Variants in TMEM266 observed in about 807,000 individuals in gnomAD.
TMEM266 encodes transmembrane protein 266.
TMEM266 carries 33 observed loss-of-function variants against 50.5 expected under a neutral mutation model. That is an observed-to-expected ratio of 0.65 (90% confidence interval 0.50 to 0.87). TMEM266 has a LOEUF of 0.87. Among genes scored for constraint, TMEM266 ranks in the 40% least tolerant of loss-of-function variants. The pLI, the probability that TMEM266 is intolerant of heterozygous loss-of-function variation, is 0.00. For synonymous variants in TMEM266, 310 were observed against 292.3 expected (o/e 1.06, Z -0.62); for missense variants, 655 against 695.1 (o/e 0.94, Z 0.65).
chr15:76,082,891 C>T (rs1025919906), intron 1 of TMEM266, among the ~76,000 whole-genome samples: 5 of 152,068 alleles, frequency 3.3e-5, no homozygotes, highest in Admixed American at 1.3e-4. Flanking sequence ...ATCACTTGAG[C>T]CCAGGAGGAG....
chr15:76,177,419 G>A (rs78051959), intron 8 of TMEM266, among the ~76,000 whole-genome samples: 88 of 152,336 alleles, frequency 5.8e-4, no homozygotes, highest in Non-Finnish European at 1.0e-3. Flanking sequence ...TGGGGTGGGG[G>A]ACACGTCTGT....
At chr15:76,136,590 T>G (rs534770392) in intron 2 of TMEM266, among the ~76,000 whole-genome samples, 48 of 152,288 alleles carry the variant, frequency 3.2e-4, no homozygotes, top group African/African-American at 9.9e-4. Context: ...CCCTCCAATA[T>G]TTAAATTTTA....
chr15:76,108,913 A>G (rs1002197616), intron 1 of TMEM266: 3 of 152,164 alleles, frequency 2.0e-5, no homozygotes, highest in Non-Finnish European at 4.4e-5. Context: ...TGTATTTACT[A>G]TCTGTAGAAA....
chr15:76,199,424 TC>T (rs2038705217), intron 9 of TMEM266, among the ~76,000 whole-genome samples: 4 of 152,234 alleles, frequency 2.6e-5, no homozygotes, highest in Non-Finnish European at 5.9e-5. Flanking sequence ...AGGCTGACCC[TC>T]TGGGCTGAGC....
chr15:76,133,852 T>C (rs548299809), intron 1 of TMEM266, among the ~76,000 whole-genome samples: 1 of 152,334 alleles, frequency 6.6e-6, no homozygotes, highest in East Asian at 1.9e-4. Context: ...AAAGGGATGC[T>C]GTTTTGGGGG....
intron 1 of TMEM266, among the ~76,000 whole-genome samples, chr15:76,062,055 G>T (rs2141977941): frequency 6.6e-6 from 1 of 152,276 alleles, no homozygotes; most frequent in African/African-American, 2.4e-5. Flanking sequence ...TTATTATAAT[G>T]CAGGTATTGG....
intron 1 of TMEM266, among the ~76,000 whole-genome samples, chr15:76,121,336 C>A (rs959329531): frequency 5.3e-5 from 8 of 152,076 alleles, no homozygotes; most frequent in African/African-American, 1.9e-4. Flanking sequence ...TGTATCAGTG[C>A]TCTATTGCCA....
At chr15:76,097,953 C>T (rs2036946075) in intron 1 of TMEM266, among the ~76,000 whole-genome samples, 1 of 152,020 alleles carries the variant, frequency 6.6e-6, no homozygotes, top group Non-Finnish European at 1.5e-5. Flanking sequence ...TCAGCTCCAT[C>T]AGGTCATTTA....
At chr15:76,070,212 A>T (rs192421130) in intron 1 of TMEM266, among the ~76,000 whole-genome samples, 1 of 152,304 alleles carries the variant, frequency 6.6e-6, no homozygotes, top group East Asian at 1.9e-4. Context: ...CATTCTGTTC[A>T]TAGTCATGGA....
chr15:76,186,376 C>T (rs2038490661), intron 8 of TMEM266, among the ~76,000 whole-genome samples: 1 of 152,216 alleles, frequency 6.6e-6, no homozygotes, highest in Non-Finnish European at 1.5e-5. Flanking sequence ...CCCGCTAGCA[C>T]CTCCTGAAGT....
chr15:76,124,726 G>C (rs1426687020), intron 1 of TMEM266, among the ~76,000 whole-genome samples: 1 of 152,084 alleles, frequency 6.6e-6, no homozygotes, highest in Non-Finnish European at 1.5e-5. Flanking sequence ...TTGAGCCCAC[G>C]TGTTTCAGGC....
At chr15:76,187,395 G>A (rs1439663475) in intron 8 of TMEM266, among the ~76,000 whole-genome samples, 1 of 152,234 alleles carries the variant, frequency 6.6e-6, no homozygotes, top group Non-Finnish European at 1.5e-5. Context: ...CTCGATGAGT[G>A]GCCTTGGAGA....
intron 9 of TMEM266, among the ~76,000 whole-genome samples, chr15:76,201,425 T>C (rs1190540451): frequency 2.0e-5 from 3 of 152,168 alleles, no homozygotes; most frequent in Admixed American, 6.5e-5. Context: ...AGGGTCTCAC[T>C]CTGTCACCCA....
chr15:76,150,614 C>A (rs1596136329), intron 3 of TMEM266, among the ~76,000 whole-genome samples: 1 of 152,224 alleles, frequency 6.6e-6, no homozygotes, highest in East Asian at 1.9e-4. Context: ...CCACAGACAG[C>A]CTGGCAGCCA....
chr15:76,068,857 A>G (rs1292406333), intron 1 of TMEM266, among the ~76,000 whole-genome samples: 2 of 152,204 alleles, frequency 1.3e-5, no homozygotes, highest in East Asian at 3.8e-4. Context: ...TGTTGTACAG[A>G]TGAAGAAACT....
chr15:76,196,063 G>T (rs747239825), intron 9 of TMEM266, among the ~76,000 whole-genome samples: 47 of 152,202 alleles, frequency 3.1e-4, no homozygotes, highest in Non-Finnish European at 5.7e-4. Flanking sequence ...AAACTGATAG[G>T]CTATGTGTCA....
At chr15:76,073,937 C>T (rs2036571875) in intron 1 of TMEM266, among the ~76,000 whole-genome samples, 2 of 151,134 alleles carry the variant, frequency 1.3e-5, no homozygotes, top group Non-Finnish European at 2.9e-5. Flanking sequence ...TGACCACACT[C>T]AATGGGATGT....
chr15:76,202,575 C>T (rs1157279607), intron 10 of TMEM266, among the ~76,000 whole-genome samples: 1 of 152,106 alleles, frequency 6.6e-6, no homozygotes, highest in Non-Finnish European at 1.5e-5. Flanking sequence ...CCTCAGTGCC[C>T]ACCTGCACAC....
chr15:76,198,132 C>G (rs1297696606), intron 9 of TMEM266, among the ~76,000 whole-genome samples: 1 of 152,114 alleles, frequency 6.6e-6, no homozygotes, highest in East Asian at 1.9e-4. Flanking sequence ...TCCAGTTCAC[C>G]AGCAGAGTAG....
Sources: allele counts gnomAD v4.1 joint callset (sites outside exome capture counted in the v4.1 genomes callset), GRCh38; gene constraint gnomAD v4.1.1; transcripts MANE v1.5; gene names NCBI Gene and HGNC (gene_info 2026-07-23, HGNC 2026-07-21).